ATP2B4: variants seen among roughly 807,000 people sequenced by gnomAD.
The protein encoded by ATP2B4 is ATPase plasma membrane Ca2+ transporting 4.
A neutral mutation model predicts 110.3 loss-of-function variants in ATP2B4; 39 were observed. The observed-to-expected ratio is 0.35, with a 90% CI of 0.27 to 0.46. The LOEUF (loss-of-function observed/expected upper bound fraction) is 0.46, where lower values mean the gene tolerates loss of function less well. ATP2B4 is among the 20% of genes least tolerant of loss of function. ATP2B4 has a pLI of 1.00. For missense variants in ATP2B4, 1,135 were observed against 1,530.9 expected (o/e 0.74, Z 4.32); for synonymous variants, 538 against 571.7 (o/e 0.94, Z 0.84).
intron 1 of ATP2B4, among the ~76,000 whole-genome samples, chr1:203,633,822 G>A (rs1249093735): frequency 1.3e-5 from 2 of 151,968 alleles, no homozygotes; most frequent in Non-Finnish European, 2.9e-5. Context: ...AGGCTGAGGT[G>A]GGTAGATCAC....
Position 203,709,534 on chromosome 1 carries a change from C to A in ATP2B4, c.1791C>A (p.Ile597=). The A allele has an allele frequency of 6.2e-7, 1 of 1,614,172 alleles. No homozygotes were observed. Among genetic ancestry groups the A allele is most frequent in the South Asian group, 1.1e-5 (1 of 91,090 alleles). Residue 597 remains isoleucine (I), a synonymous_variant, in exon 11 of 21, where the codon ATC becomes ATA. Transcript: ENST00000357681. The stretch of plus-strand genomic sequence containing the variant: ...ACAGCAAGGGCGCCTCTGAGATCAT[C>A]TTGCGCAAGTGAGCACCCCCGACCA... ...RMYSKGASEI[I]LRKCNRILDR...
intron 2 of ATP2B4, among the ~76,000 whole-genome samples, chr1:203,683,839 A>G (rs1422492083): frequency 6.6e-6 from 1 of 151,580 alleles, no homozygotes; most frequent in Non-Finnish European, 1.5e-5. Flanking sequence ...ACACCCAGCT[A>G]GCTTTTTAGA....
At position 203,709,529 on chromosome 1, in the gene ATP2B4, A is replaced by C; in HGVS notation, c.1786A>C (p.Ile596Leu). The change falls in exon 11 of 21, where the codon ATC (isoleucine) becomes CTC (leucine). Residue 596 changes from isoleucine (I) to leucine (L), a missense_variant. Coordinates refer to ENST00000357681, the MANE Select transcript of ATP2B4 (RefSeq NM_001684.5). ...FRMYSKGASE[I>L]ILRKCNRILD... Reference sequence around the variant, plus strand: ...TATGTACAGCAAGGGCGCCTCTGAGATCATCTTGCGCAAGTGAGCACCCCC... The same window carrying C: ...TATGTACAGCAAGGGCGCCTCTGAGCTCATCTTGCGCAAGTGAGCACCCCC... The C allele has an allele frequency of 6.2e-7, 1 of 1,614,128 alleles. No individual in the cohort carries two copies. Among genetic ancestry groups the C allele is most frequent in the East Asian group, 2.2e-5 (1 of 44,872 alleles).
chr1:203,712,698 CT>C (rs1329008411), intron 13 of ATP2B4, among the ~76,000 whole-genome samples: 1 of 151,518 alleles, frequency 6.6e-6, no homozygotes, highest in African/African-American at 2.4e-5. Flanking sequence ...TGTCTTTCTG[CT>C]TTTTCAGTTT....
At position 203,657,383 on chromosome 1, in the gene ATP2B4, C is replaced by G. The variant is rs1664193686; in HGVS notation, c.-464-25359C>G. 9.4e-6 allele frequency: 7 copies of G among 748,414 alleles called. No individual in the cohort carries two copies. The East Asian group carries it at 1.5e-4, about 16-fold the overall frequency. The allele number at this position is 748,414 out of a possible 1,614,324, so 46.4% of individuals were successfully genotyped here. A position where few individuals can be genotyped will look rare whatever the true frequency, so the allele number is the denominator to read the frequency against. On this transcript the variant is annotated intron_variant, in intron 1 of 20. Transcript: ENST00000357681. ...TTTCTCCCTGGGCATGTACTTTAGT[C>G]AGAGGGACTTCCCGTTTTCCCACCT...
chr1:203,672,233 C>A lies in ATP2B4; in HGVS notation c.-464-10509C>A, dbSNP rs372010855. On this transcript the variant is annotated intron_variant, in intron 1 of 20. Coordinates refer to ENST00000357681, the MANE Select transcript of ATP2B4 (RefSeq NM_001684.5). ...CCTTTTGGAAAGGAGCTCACCCACA[C>A]TCCTTGCTTCCATCTTCCCCTTCCT... Among the ~76,000 whole-genome samples the A allele has an allele frequency of 2.0e-3, 304 of 151,994 alleles. 1 individual carries two copies. Among genetic ancestry groups the A allele is most frequent in the African/African-American group, 7.1e-3 (294 of 41,486 alleles).
intron 20 of ATP2B4, among the ~76,000 whole-genome samples, chr1:203,728,659 A>G (rs2102227726): frequency 6.6e-6 from 1 of 151,332 alleles, no homozygotes; most frequent in East Asian, 2.0e-4. Context: ...GGAGTTCAAG[A>G]CCAGCCTGAC....
chr1:203,699,894 C>A (rs1421558212), intron 4 of ATP2B4, among the ~76,000 whole-genome samples, 177 bp downstream of exon 4: 3 of 152,194 alleles, frequency 2.0e-5, no homozygotes, highest in African/African-American at 7.2e-5. Context: ...AAAGGAGTAG[C>A]TGAAACTCTG....
rs745372004 is a variant in ATP2B4, at chr1:203,729,661, C to CTGCCTCACCTATCCAGGGCGA, written c.3309+2094_3309+2114dup. 2.5e-6 allele frequency: 3 copies of CTGCCTCACCTATCCAGGGCGA among 1,195,288 alleles called. No individual in the cohort carries two copies. In the East Asian group the frequency reaches 1.4e-4, roughly 57 times the overall value. 74.0% of individuals were successfully genotyped at this position (1,195,288 alleles called of 1,614,324 possible). Reference sequence around the variant, plus strand: ...AGAGAAACATTCCAGGGTGCTGTGGCTGCCTCACCTATCCAGGGCGATGCA... The same window carrying CTGCCTCACCTATCCAGGGCGA: ...AGAGAAACATTCCAGGGTGCTGTGGCTGCCTCACCTATCCAGGGCGATGCCTCACCTATCCAGGGCGATGCA... On this transcript the variant is annotated intron_variant, in intron 20 of 20. Coordinates refer to ENST00000357681, the MANE Select transcript of ATP2B4 (RefSeq NM_001684.5).
At chr1:203,720,796 A>G (rs1313759324) in intron 16 of ATP2B4, 56 bp downstream of exon 16, 1 of 1,551,786 alleles carries the variant, frequency 6.4e-7, no homozygotes, top group African/African-American at 1.4e-5. Flanking sequence ...GCTAAGGAAC[A>G]TGGAGTGAAG....
chr1:203,742,458 G>A lies in ATP2B4; in HGVS notation c.*2604G>A, dbSNP rs944906485. 3 of 152,538 alleles carry A rather than the reference G, an allele frequency of 2.0e-5. No homozygotes were observed. Among genetic ancestry groups the A allele is most frequent in the Non-Finnish European group, 2.9e-5 (2 of 68,028 alleles). 9.4% of individuals were successfully genotyped at this position (152,538 alleles called of 1,614,324 possible). A position where few individuals can be genotyped will look rare whatever the true frequency, so the allele number is the denominator to read the frequency against. ...GATCCAACTGGCAGTGGGTAAATAT[G>A]GCATAAGTTAATAACACTTTTCCCC... is the stretch of plus-strand genomic sequence containing the variant. On this transcript the variant is annotated 3_prime_UTR_variant, in exon 21 of 21. Transcript: ENST00000357681.
At chr1:203,633,388 C>T (rs1418664900) in intron 1 of ATP2B4, among the ~76,000 whole-genome samples, 2 of 152,212 alleles carry the variant, frequency 1.3e-5, no homozygotes, top group East Asian at 3.9e-4. Context: ...GGAGCCCAGG[C>T]GTTTGAGGCT....
At chr1:203,651,786 G>T (rs1167564851) in intron 1 of ATP2B4, among the ~76,000 whole-genome samples, 1 of 151,374 alleles carries the variant, frequency 6.6e-6, no homozygotes, top group Non-Finnish European at 1.5e-5. Context: ...GGCTAGGCAC[G>T]GTGGCTCATG....
chr1:203,700,373 A>G (rs1558040194), intron 5 of ATP2B4, 42 bp downstream of exon 5: 1 of 1,589,570 alleles, frequency 6.3e-7, no homozygotes, highest in Non-Finnish European at 8.6e-7. Flanking sequence ...ACCTCCCTGC[A>G]AACACCTAGG....
intron 1 of ATP2B4, among the ~76,000 whole-genome samples, chr1:203,666,922 C>T (rs138679637): frequency 6.6e-6 from 1 of 152,292 alleles, no homozygotes; most frequent in African/African-American, 2.4e-5. Flanking sequence ...TGTGTACTCA[C>T]AATTGTGAGC....
intron 7 of ATP2B4, among the ~76,000 whole-genome samples, chr1:203,702,537 G>A (rs1029061541): frequency 3.9e-5 from 6 of 152,098 alleles, no homozygotes; most frequent in Admixed American, 2.0e-4. Flanking sequence ...TTCTCTGCTG[G>A]TCTTCTCAGG....
At chr1:203,699,426 C>G in intron 3 of ATP2B4, 34 bp from the exon 4 acceptor site, 1 of 1,611,226 alleles carries the variant, frequency 6.2e-7, no homozygotes, top group Non-Finnish European at 8.5e-7. Context: ...AACAAAAGCC[C>G]TTCAGTGACT....
chr1:203,690,404 A>G (rs1361815650), intron 2 of ATP2B4, among the ~76,000 whole-genome samples: 2 of 152,192 alleles, frequency 1.3e-5, no homozygotes, highest in African/African-American at 2.4e-5. Flanking sequence ...TTTTATTTAC[A>G]TAATAAGATA....
chr1:203,637,872 T>C (rs1010247050), intron 1 of ATP2B4, among the ~76,000 whole-genome samples: 7 of 152,032 alleles, frequency 4.6e-5, no homozygotes, highest in African/African-American at 1.7e-4. Context: ...AAGGAGGAAA[T>C]GGAAATACTG....
Sources: gnomAD v4.1 joint callset for allele counts (sites outside exome capture counted in the v4.1 genomes callset) on GRCh38, gnomAD v4.1.1 for gene constraint, MANE v1.5 for transcripts, NCBI Gene and HGNC (gene_info 2026-07-23, HGNC 2026-07-21) for gene names.